Variants in CAMTA1 observed in about 807,000 individuals in gnomAD.
CAMTA1 encodes calmodulin-binding transcription activator 1.
A neutral mutation model predicts 170.9 loss-of-function variants in CAMTA1; 27 were observed. That is an observed-to-expected ratio of 0.16 (90% CI 0.12 to 0.22). The LOEUF (loss-of-function observed/expected upper bound fraction) is 0.22. Among genes scored for constraint, CAMTA1 ranks in the 10% least tolerant of loss-of-function variants. The pLI, the probability that CAMTA1 is intolerant of heterozygous loss-of-function variation, is 1.00. For missense variants in CAMTA1, 1,619 were observed against 2,217.2 expected (o/e 0.73, Z 5.42); for synonymous variants, 833 against 891.5 (o/e 0.93, Z 1.17).
intron 3 of CAMTA1, among the ~76,000 whole-genome samples, chr1:6,846,315 C>T (rs1465668961): frequency 6.6e-6 from 1 of 152,218 alleles, no homozygotes; most frequent in Non-Finnish European, 1.5e-5. Context: ...CTGAGATATT[C>T]TCATCATCTC....
chr1:6,942,206 A>G (rs11586158), intron 3 of CAMTA1, among the ~76,000 whole-genome samples: 80,305 of 151,990 alleles, frequency 0.53, 22,019 homozygotes, highest in Non-Finnish European at 0.61. Context: ...TTAATCAACT[A>G]TGGCAAGTTG....
chr1:7,107,355 T>G (rs1456151107), intron 4 of CAMTA1, among the ~76,000 whole-genome samples: 1 of 150,394 alleles, frequency 6.6e-6, no homozygotes, highest in Non-Finnish European at 1.5e-5. Flanking sequence ...CAAGATCAAT[T>G]GGATTCAATT....
At position 7,443,445 on chromosome 1, in the gene CAMTA1, A is replaced by C. The variant is rs2092601771; in HGVS notation, c.439-24385A>C. ...GTCAGACGACAGCAGGGAGAGTGGA[A>C]AGTCACCCAGCCCTGGGCATCCGAA... On this transcript the variant is annotated intron_variant, in intron 5 of 22. Transcript: ENST00000303635. This position sits in a 1 kb window ranked among gnomAD's most constrained non-coding sequence, Gnocchi z 4.1. Among the ~76,000 whole-genome samples the C allele has an allele frequency of 6.6e-6, 1 of 152,106 alleles. No individual in the cohort carries two copies. The highest frequency in any genetic ancestry group is 2.4e-5 in the African/African-American group (1 of 41,418).
intron 5 of CAMTA1, chr1:7,388,240 A>G (rs1575062238): frequency 6.6e-6 from 1 of 152,240 alleles, no homozygotes; most frequent in African/African-American, 2.4e-5. Context: ...GCCACTGTGG[A>G]TGTGAGCGGC....
chr1:7,477,042 A>G (rs965523412), intron 6 of CAMTA1, among the ~76,000 whole-genome samples: 4 of 152,172 alleles, frequency 2.6e-5, no homozygotes, highest in Non-Finnish European at 4.4e-5. Context: ...CGCTTGCGCC[A>G]TTAGATAATT....
chr1:6,945,125 T>C (rs1034565179), intron 3 of CAMTA1, among the ~76,000 whole-genome samples: 20 of 152,216 alleles, frequency 1.3e-4, no homozygotes, highest in African/African-American at 4.8e-4. Context: ...GTATTTGGCA[T>C]ATGATGGGTA....
intron 5 of CAMTA1, among the ~76,000 whole-genome samples, chr1:7,354,351 G>A (rs1046902665): frequency 6.0e-5 from 9 of 150,932 alleles, no homozygotes; most frequent in South Asian, 2.1e-4. Flanking sequence ...GGGTTTCACC[G>A]TGTTAGCCAG....
chr1:6,856,492 T>C (rs1284607951), intron 3 of CAMTA1, among the ~76,000 whole-genome samples: 1 of 152,142 alleles, frequency 6.6e-6, no homozygotes, highest in Non-Finnish European at 1.5e-5. Flanking sequence ...CAGTCATTCA[T>C]CTGAGCTCTT....
rs1437488628 is a variant in CAMTA1 at position 7,224,500 on chromosome 1, C to T, written c.303-24991C>T. 6.6e-6 allele frequency among the ~76,000 whole-genome samples: 1 copy of T among 152,118 alleles called. No homozygotes were observed. Among genetic ancestry groups the T allele is most frequent in the Non-Finnish European group, 1.5e-5 (1 of 68,022 alleles). ...AAAACAGTTTTCTGAAACTATTTTCCACTTGCTAAAATTAAGGTTATTATT... is the reference window on the plus strand; with the variant it reads ...AAAACAGTTTTCTGAAACTATTTTCTACTTGCTAAAATTAAGGTTATTATT... On this transcript the variant is annotated intron_variant, in intron 4 of 22. Coordinates refer to ENST00000303635, the MANE Select transcript of CAMTA1 (RefSeq NM_015215.4). The surrounding 1 kb of genome is among the most constrained non-coding windows in gnomAD (Gnocchi z 5.2).
chr1:7,627,222 G>A (rs1385878740), intron 6 of CAMTA1, among the ~76,000 whole-genome samples: 1 of 152,184 alleles, frequency 6.6e-6, no homozygotes, highest in Non-Finnish European at 1.5e-5. Context: ...AGAATGGCTG[G>A]TGTTTAGCTC....
At chr1:6,924,317 A>G (rs1022192811) in intron 3 of CAMTA1, among the ~76,000 whole-genome samples, 2 of 151,256 alleles carry the variant, frequency 1.3e-5, no homozygotes, top group Non-Finnish European at 3.0e-5. Context: ...CTGGGAGGGG[A>G]TCAGGCCAGC....
intron 3 of CAMTA1, among the ~76,000 whole-genome samples, chr1:6,859,208 T>C (rs1431435206): frequency 6.6e-6 from 1 of 152,186 alleles, no homozygotes; most frequent in Non-Finnish European, 1.5e-5. Flanking sequence ...GTGTGTGTTG[T>C]ATGTATATAT....
chr1:7,163,581 G>A (rs921198579), intron 4 of CAMTA1, among the ~76,000 whole-genome samples: 2 of 152,172 alleles, frequency 1.3e-5, no homozygotes, highest in African/African-American at 4.8e-5. Flanking sequence ...TGGTAACAGG[G>A]AACAAGGAGG....
chr1:7,013,466 G>T (rs1700111617), intron 3 of CAMTA1, among the ~76,000 whole-genome samples: 2 of 152,112 alleles, frequency 1.3e-5, no homozygotes, highest in South Asian at 4.1e-4. Flanking sequence ...ACCCACTTCA[G>T]TCTCTCAAAG....
intron 11 of CAMTA1, among the ~76,000 whole-genome samples, chr1:7,731,401 G>A (rs12130857): frequency 0.34 from 51,130 of 151,548 alleles, 8,848 homozygotes; most frequent in South Asian, 0.42. Context: ...GTGAAACCCC[G>A]CCTCTACTAA....
chr1:6,956,544 TAA>T (rs36082445), intron 3 of CAMTA1, among the ~76,000 whole-genome samples: 73,101 of 151,848 alleles, frequency 0.48, 17,770 homozygotes, highest in East Asian at 0.63. Context: ...AACAATCTCT[TAA>T]AACTGACTCA....
At chr1:6,987,309 T>A (rs568382791) in intron 3 of CAMTA1, among the ~76,000 whole-genome samples, 1 of 152,104 alleles carries the variant, frequency 6.6e-6, no homozygotes, top group Non-Finnish European at 1.5e-5. Context: ...ACTACAGGCA[T>A]GTGCCACCAT....
At chr1:6,945,741 T>C (rs1298594688) in intron 3 of CAMTA1, among the ~76,000 whole-genome samples, 1 of 152,218 alleles carries the variant, frequency 6.6e-6, no homozygotes, top group Non-Finnish European at 1.5e-5. Flanking sequence ...TTTATATAAA[T>C]GGAATCATGA....
intron 6 of CAMTA1, among the ~76,000 whole-genome samples, chr1:7,593,710 C>T (rs560098194): frequency 2.7e-5 from 4 of 149,672 alleles, no homozygotes; most frequent in East Asian, 2.1e-4. Context: ...AGGCTAGTCT[C>T]GAACTCCTGA....
Sources: allele counts gnomAD v4.1 joint callset (sites outside exome capture counted in the v4.1 genomes callset), GRCh38; gene constraint gnomAD v4.1.1; non-coding constraint Gnocchi (gnomAD v3.1); transcripts MANE v1.5; gene names NCBI Gene and HGNC (gene_info 2026-07-23, HGNC 2026-07-21).